The following POLE variants were observed in gnomAD, a reference collection of about 807,000 sequenced individuals.
POLE encodes DNA polymerase epsilon catalytic subunit A.
POLE carries 188 observed loss-of-function variants against 279.2 expected under a neutral mutation model. The observed-to-expected ratio is 0.67, with a 90% CI of 0.60 to 0.76. The LOEUF is 0.76. Ranked by LOEUF, POLE falls within the 30% of genes least tolerant of loss-of-function variation. The probability of loss-of-function intolerance (pLI) is 0.00; values close to 1 mark genes in which losing one functional copy is unlikely to be tolerated. For missense variants in POLE, 2,703 were observed against 3,016.7 expected, an observed-to-expected ratio of 0.90 and a Z score of 2.44; for synonymous variants, 1,214 against 1,172.5, an observed-to-expected ratio of 1.04 and a Z score of -0.72.
In POLE at chr12:132,649,756, T is replaced by C. The variant is rs146210785; in HGVS notation, c.3716A>G (p.Gln1239Arg). 41 of 1,614,082 alleles carry C rather than the reference T, an allele frequency of 2.5e-5. No homozygotes were observed. In the African/African-American group the frequency reaches 5.2e-4, roughly 20 times the overall value. ...CGGCGTGAGGTCCTGGGACTCCTCC[T>C]GGCTCTCCCAAAGAACTCGCTTCCT... ...VKRKRVLWES[Q>R]EESQDLTPTV... Residue 1239 changes from glutamine to arginine, a missense_variant, in exon 30 of 49, where the codon CAG (glutamine) becomes CGG (arginine). Physicochemically the swap from Gln to Arg is conservative, Grantham distance 43. Around this residue, in one of 5 missense-constraint regions of POLE, gnomAD observed 1,551 missense variants for 1,686.1 expected, o/e 0.92. Transcript: ENST00000320574.
At chr12:132,644,657 G>A (rs1300715001) in intron 32 of POLE, among the ~76,000 whole-genome samples, 2 of 152,194 alleles carry the variant, frequency 1.3e-5, no homozygotes, top group African/African-American at 4.8e-5. Context: ...CCCTGGGGGA[G>A]CCAGAGTGTG....
rs112358554 is a variant in POLE, at chr12:132,642,349, G to A, written c.5001C>T (p.Phe1667=). The change falls in exon 38 of 49, where the codon TTC becomes TTT. Residue 1667 remains phenylalanine (F), a synonymous_variant. Transcript: ENST00000320574. ...IGNLPEDIST[F]GSDLFFARHL... is the part of the protein sequence containing the mutation. ...GGCGGGCAAAGAAGAGGTCGGAGCC[G>A]AATGTGGAGATGTCCTCTGGTAGGT... is the stretch of plus-strand genomic sequence containing the variant. The A allele has an allele frequency of 2.2e-5, 35 of 1,588,668 alleles. No individual in the cohort carries two copies. The highest frequency in any genetic ancestry group is 1.1e-4 in the African/African-American group (8 of 74,480).
chr12:132,680,356 G>C, intron 3 of POLE, 134 bp from the exon 4 acceptor site: 1 of 816,202 alleles, frequency 1.2e-6, no homozygotes, highest in Non-Finnish European at 2.1e-6. Flanking sequence ...TAGCATACAG[G>C]AAGTCAGAAT....
intron 15 of POLE, 40 bp from the exon 16 acceptor site, chr12:132,672,362 C>A (rs2042948958): frequency 6.7e-7 from 1 of 1,493,432 alleles, no homozygotes; most frequent in East Asian, 2.3e-5. Flanking sequence ...AGGGGAAACA[C>A]ACCCACACTA....
intron 43 of POLE, chr12:132,633,075 A>C: frequency 3.7e-6 from 1 of 268,304 alleles, no homozygotes; most frequent in Non-Finnish European, 7.0e-6. Context: ...CGCGTGAAAG[A>C]CAGCTCCCAA....
intron 1 of POLE, 36 bp downstream of exon 1, chr12:132,687,218 G>T (rs1046184031): frequency 7.1e-7 from 1 of 1,408,956 alleles, no homozygotes. Flanking sequence ...ACCCTCCGGA[G>T]GGCCGGCCCG....
chr12:132,657,629 G>C (rs1439420348), intron 27 of POLE, among the ~76,000 whole-genome samples, 200 bp from the exon 28 acceptor site: 1 of 152,200 alleles, frequency 6.6e-6, no homozygotes, highest in South Asian at 2.1e-4. Context: ...GAGCTAGTAG[G>C]TGGCTGAGCC....
intron 16 of POLE, among the ~76,000 whole-genome samples, chr12:132,670,695 G>A (rs1486492088): frequency 1.6e-4 from 24 of 151,824 alleles, no homozygotes; most frequent in Admixed American, 1.4e-3. Flanking sequence ...GGGTTTCACC[G>A]TGTTAGCCAG....
At position 132,668,560 on chromosome 12, in the gene POLE, A is replaced by G. The variant is rs554960333; in HGVS notation, c.2027-58T>C. 2 of 1,583,212 alleles carry G rather than the reference A, an allele frequency of 1.3e-6. No individual in the cohort carries two copies. Among genetic ancestry groups the G allele is most frequent in the Non-Finnish European group, 1.7e-6 (2 of 1,159,296 alleles). ...GGAGGCACAGACACACCGGCTTCCC[A>G]CCAAGTGGAGAAAGGCGGCCGACAC... On this transcript the variant is annotated intron_variant, in intron 18 of 48. Transcript: ENST00000320574. The surrounding 1 kb of genome is among the most constrained non-coding windows in gnomAD (Gnocchi z 4.0).
intron 1 of POLE, among the ~76,000 whole-genome samples, chr12:132,682,382 G>C (rs1440208079): frequency 6.6e-6 from 1 of 151,996 alleles, no homozygotes; most frequent in African/African-American, 2.4e-5. Flanking sequence ...TACTCAGGAG[G>C]CTGAGGCAGG....
chr12:132,685,970 C>T (rs1305641052), intron 1 of POLE, among the ~76,000 whole-genome samples: 1 of 151,030 alleles, frequency 6.6e-6, no homozygotes, highest in Admixed American at 6.6e-5. Context: ...CCGCCTGCCG[C>T]GTTCAAGTGA....
intron 26 of POLE, among the ~76,000 whole-genome samples, chr12:132,658,870 T>A (rs926774153): frequency 1.3e-5 from 1 of 78,066 alleles, no homozygotes; most frequent in South Asian, 3.7e-4. Flanking sequence ...GTCCTATTTG[T>A]ATATAACCAC....
chr12:132,677,148 C>T (rs2043072439), intron 8 of POLE, among the ~76,000 whole-genome samples: 1 of 152,202 alleles, frequency 6.6e-6, no homozygotes, highest in Admixed American at 6.5e-5. Flanking sequence ...TCCTGCCTAG[C>T]TCAAACACTG....
chr12:132,648,645 G>T (rs897780269), intron 32 of POLE: 26 of 333,130 alleles, frequency 7.8e-5, no homozygotes, highest in Non-Finnish European at 9.9e-5. Context: ...AAGAGCCTAC[G>T]GAGACAGAGT....
chr12:132,634,143 G>A lies in POLE; in HGVS notation c.6004+43C>T, dbSNP rs202115116. On this transcript the variant is annotated intron_variant, in intron 43 of 48. Coordinates refer to ENST00000320574, the MANE Select transcript of POLE (RefSeq NM_006231.4). This position sits in a 1 kb window ranked among gnomAD's most constrained non-coding sequence, Gnocchi z 4.0. ...CAGGAGCCACATCTACTAACCATGAGTCCCTTCAGTGGGGGCTGCGCAGCC... is the reference window on the plus strand; with the variant it reads ...CAGGAGCCACATCTACTAACCATGAATCCCTTCAGTGGGGGCTGCGCAGCC... 1,131 of 1,522,654 alleles carry A rather than the reference G, an allele frequency of 7.4e-4. No homozygotes were observed. The highest frequency in any genetic ancestry group is 9.3e-4 in the Non-Finnish European group (1,031 of 1,113,306). 94.3% of individuals were successfully genotyped at this position (1,522,654 alleles called of 1,614,324 possible). A position where few individuals can be genotyped will look rare whatever the true frequency, so the allele number is the denominator to read the frequency against.
rs564780446 is a variant in POLE, at chr12:132,682,711, G to A, written c.63-1432C>T. On this transcript the variant is annotated intron_variant, in intron 1 of 48. Transcript: ENST00000320574. The stretch of plus-strand genomic sequence containing the variant: ...TCACAACTGTAATCCCAGCACTTTG[G>A]GAGGCCAAGGAGGGTGGATGACTTG... 5.9e-5 allele frequency among the ~76,000 whole-genome samples: 9 copies of A among 152,192 alleles called. No homozygotes were observed. The South Asian group carries it at 8.3e-4, about 14-fold the overall frequency.
chr12:132,632,790 T>C lies in POLE; in HGVS notation c.6010A>G (p.Ile2004Val), dbSNP rs1029581195. The C allele has an allele frequency of 1.2e-6, 2 of 1,606,234 alleles. No individual in the cohort carries two copies. Among genetic ancestry groups the C allele is most frequent in the East Asian group, 2.2e-5 (1 of 44,830 alleles). The change falls in exon 44 of 49, where the codon ATC becomes GTC. Residue 2004 changes from isoleucine to valine, a missense_variant. Transcript: ENST00000320574. Reference protein sequence around the residue: ...NYFLMIVSAYIVAVYHCMKDG... With the variant: ...NYFLMIVSAYVVAVYHCMKDG... ...TTCATGCAGTGGTACACGGCCACGA[T>C]GTACGCTGTGGAGAGGCACACACAC... is the stretch of plus-strand genomic sequence containing the variant.
At chr12:132,683,761 G>A (rs528757727) in intron 1 of POLE, among the ~76,000 whole-genome samples, 7 of 152,374 alleles carry the variant, frequency 4.6e-5, no homozygotes, top group Admixed American at 2.0e-4. Context: ...CCTCAAGTAA[G>A]TTGGATTAAG....
chr12:132,673,814 C>T, intron 12 of POLE, 107 bp from the exon 13 acceptor site: 1 of 1,309,004 alleles, frequency 7.6e-7, no homozygotes, highest in East Asian at 2.3e-5. Context: ...AAGTTCCTAA[C>T]AGGCACCCAG....
Sources: gnomAD v4.1 joint callset for allele counts (sites outside exome capture counted in the v4.1 genomes callset) on GRCh38, gnomAD v4.1.1 for gene constraint, gnomAD v4.1.1 regional missense constraint, Gnocchi (gnomAD v3.1) non-coding constraint, MANE v1.5 for transcripts, NCBI Gene and HGNC (gene_info 2026-07-23, HGNC 2026-07-21) for gene names.